Variants in LRRTM4 observed in about 807,000 individuals in gnomAD.
The protein encoded by LRRTM4 is leucine-rich repeat transmembrane neuronal protein 4.
In LRRTM4, 25 loss-of-function variants were observed where a neutral mutation model predicts 47.6. The ratio of observed to expected loss-of-function variants is 0.53; its 90% confidence interval spans 0.38 to 0.73. The LOEUF (loss-of-function observed/expected upper bound fraction) is 0.73. Among genes scored for constraint, LRRTM4 ranks in the 30% least tolerant of loss-of-function variants. The pLI is 0.00. For missense variants in LRRTM4, 638 were observed against 713.4 expected (o/e 0.89, Z 1.20); for synonymous variants, 311 against 269.5 (o/e 1.15, Z -1.51).
chr2:77,085,054 T>C lies in LRRTM4; in HGVS notation c.1552-336138A>G, dbSNP rs187257002. On this transcript the variant is annotated intron_variant, in intron 3 of 3. Coordinates refer to ENST00000409884, the MANE Select transcript of LRRTM4 (RefSeq NM_001134745.3). ...AACATTTCAACTAAAGCTACTTTGATTTTAGTAGGATAATTTTAAAAGAAA... is the reference window on the plus strand; with the variant it reads ...AACATTTCAACTAAAGCTACTTTGACTTTAGTAGGATAATTTTAAAAGAAA... Among the ~76,000 whole-genome samples the C allele has an allele frequency of 2.2e-3, 331 of 152,274 alleles. 4 individuals carry two copies. The highest frequency in any genetic ancestry group is 6.8e-3 in the African/African-American group (282 of 41,580).
intron 3 of LRRTM4, among the ~76,000 whole-genome samples, chr2:77,187,806 C>A (rs1228039151): frequency 6.6e-6 from 1 of 151,632 alleles, no homozygotes; most frequent in Non-Finnish European, 1.5e-5. Context: ...CACAAGCATG[C>A]AGATTAAAAG....
chr2:77,417,094 C>T (rs981499830), intron 3 of LRRTM4, among the ~76,000 whole-genome samples: 2 of 149,836 alleles, frequency 1.3e-5, no homozygotes, highest in Non-Finnish European at 3.0e-5. Context: ...GATATGAACA[C>T]ACTTCTCAAA....
intron 3 of LRRTM4, among the ~76,000 whole-genome samples, chr2:77,207,300 G>A (rs1431772256): frequency 3.1e-5 from 4 of 129,672 alleles, no homozygotes; most frequent in South Asian, 2.4e-4. Context: ...ATATATATAC[G>A]TATATATACA....
chr2:77,489,195 G>A (rs373747371), intron 3 of LRRTM4, among the ~76,000 whole-genome samples: 1 of 151,908 alleles, frequency 6.6e-6, no homozygotes, highest in Non-Finnish European at 1.5e-5. Flanking sequence ...TCTTCAAATT[G>A]CCTCTTGTCC....
intron 3 of LRRTM4, among the ~76,000 whole-genome samples, chr2:77,051,032 A>AAG: frequency 7.0e-6 from 1 of 141,912 alleles, no homozygotes; most frequent in African/African-American, 2.5e-5. Flanking sequence ...TTTTTTTAAA[A>AAG]TAGATAACAC....
chr2:77,258,896 T>A (rs1675840898), intron 3 of LRRTM4, among the ~76,000 whole-genome samples: 1 of 151,556 alleles, frequency 6.6e-6, no homozygotes, highest in African/African-American at 2.4e-5. Flanking sequence ...CAGGCAAAAA[T>A]TAAAACAAAA....
chr2:76,979,511 ATC>A (rs1363040016), intron 3 of LRRTM4, among the ~76,000 whole-genome samples: 1 of 144,422 alleles, frequency 6.9e-6, no homozygotes, highest in Non-Finnish European at 1.5e-5. Context: ...GACAATGCAT[ATC>A]TAATTCAGAC....
At chr2:76,753,144 G>A (rs1251392510) in intron 3 of LRRTM4, among the ~76,000 whole-genome samples, 2 of 152,162 alleles carry the variant, frequency 1.3e-5, no homozygotes, top group African/African-American at 4.8e-5. Flanking sequence ...TCTGAAGTAG[G>A]TTGTGAAAGG....
chr2:77,006,152 G>T (rs1238506819), intron 3 of LRRTM4, among the ~76,000 whole-genome samples: 2 of 152,042 alleles, frequency 1.3e-5, no homozygotes, highest in Non-Finnish European at 2.9e-5. Context: ...GCTCTTCTGA[G>T]AATTTTTATG....
chr2:77,026,557 C>A (rs1323214995), intron 3 of LRRTM4, among the ~76,000 whole-genome samples: 1 of 151,918 alleles, frequency 6.6e-6, no homozygotes, highest in African/African-American at 2.4e-5. Flanking sequence ...AAGTGAATAG[C>A]CTATTTCTAA....
intron 3 of LRRTM4, among the ~76,000 whole-genome samples, chr2:77,475,354 C>CAGAT (rs1016751072): frequency 6.6e-6 from 1 of 152,014 alleles, no homozygotes. Flanking sequence ...CAACCTTGTA[C>CAGAT]AGATAGATAG....
At chr2:77,220,949 C>T (rs1260342647) in intron 3 of LRRTM4, among the ~76,000 whole-genome samples, 1 of 152,116 alleles carries the variant, frequency 6.6e-6, no homozygotes, top group African/African-American at 2.4e-5. Context: ...TAAGGGCAGC[C>T]AGAGAGAAAA....
In LRRTM4 at chr2:76,994,539, T is replaced by G. The variant is rs1677131359; in HGVS notation, c.1552-245623A>C. Among the ~76,000 whole-genome samples, 4 of 149,402 alleles carry G rather than the reference T, an allele frequency of 2.7e-5. No homozygotes were observed. The South Asian group carries it at 8.9e-4, about 33-fold the overall frequency. On this transcript the variant is annotated intron_variant, in intron 3 of 3. Transcript: ENST00000409884. ...GTCTCTGATCCAGGAGCCTCATGAC[T>G]TCTGCTACCATTATTGAGATTGTGG...
At chr2:77,373,187 C>T (rs1365038884) in intron 3 of LRRTM4, among the ~76,000 whole-genome samples, 4 of 148,694 alleles carry the variant, frequency 2.7e-5, no homozygotes, top group Non-Finnish European at 6.0e-5. Flanking sequence ...TGAAGAGTAA[C>T]TTAAAATATC....
At chr2:76,940,882 T>C (rs1675117567) in intron 3 of LRRTM4, among the ~76,000 whole-genome samples, 1 of 152,176 alleles carries the variant, frequency 6.6e-6, no homozygotes, top group South Asian at 2.1e-4. Context: ...TTCTCTCTCT[T>C]TTCTTTGTTT....
At chr2:76,771,786 C>T (rs537391454) in intron 3 of LRRTM4, among the ~76,000 whole-genome samples, 23 of 152,252 alleles carry the variant, frequency 1.5e-4, no homozygotes, top group African/African-American at 5.1e-4. Flanking sequence ...TCCTTTGCCT[C>T]TAATGCTGTA....
At position 76,844,203 on chromosome 2, in the gene LRRTM4, CA is replaced by C. The variant is rs1179911137; in HGVS notation, c.1552-95288del. 3.9e-5 allele frequency among the ~76,000 whole-genome samples: 6 copies of C among 151,984 alleles called. No homozygotes were observed. The East Asian group carries it at 1.2e-3, about 29-fold the overall frequency. On this transcript the variant is annotated intron_variant, in intron 3 of 3. Transcript: ENST00000409884. ...AGGCTGGAGTGCCGTGGCATGATCT[CA>C]GCTCACTGCAGCCTCCACCTCTCGG...
chr2:77,041,013 C>A (rs920298477), intron 3 of LRRTM4, among the ~76,000 whole-genome samples: 2 of 151,270 alleles, frequency 1.3e-5, no homozygotes, highest in African/African-American at 4.8e-5. Flanking sequence ...CACAGAACAA[C>A]AGAACTTCTT....
chr2:77,089,652 C>T (rs1227001525), intron 3 of LRRTM4, among the ~76,000 whole-genome samples: 5 of 152,024 alleles, frequency 3.3e-5, no homozygotes, highest in Non-Finnish European at 2.9e-5. Flanking sequence ...TTCCACCCTC[C>T]ATTCCTCCTT....
Sources: allele counts gnomAD v4.1 joint callset (sites outside exome capture counted in the v4.1 genomes callset), GRCh38; gene constraint gnomAD v4.1.1; transcripts MANE v1.5; gene names NCBI Gene and HGNC (gene_info 2026-07-23, HGNC 2026-07-21).